Variants in MYO3B observed in about 807,000 individuals in gnomAD.
MYO3B encodes myosin IIIB, also known as myosin-IIIb.
In MYO3B, 156 loss-of-function variants were observed where a neutral mutation model predicts 174.6. That is an observed-to-expected ratio of 0.89 (90% confidence interval 0.78 to 1.02). The LOEUF (loss-of-function observed/expected upper bound fraction) is 1.02, where lower values mean the gene tolerates loss of function less well. Ranked by LOEUF, MYO3B falls within the 50% of genes least tolerant of loss-of-function variation. The probability of loss-of-function intolerance (pLI) is 0.00; values close to 1 mark genes in which losing one functional copy is unlikely to be tolerated. For missense variants in MYO3B, 1,632 were observed against 1,639.4 expected (o/e 1.00, Z 0.08); for synonymous variants, 563 against 569.1 (o/e 0.99, Z 0.15).
intron 7 of MYO3B, among the ~76,000 whole-genome samples, chr2:170,268,768 A>C (rs919002259): frequency 6.6e-6 from 1 of 152,134 alleles, no homozygotes; most frequent in Non-Finnish European, 1.5e-5. Flanking sequence ...TAACAGATAA[A>C]AATTAATATA....
At chr2:170,240,282 A>G (rs895061611) in intron 7 of MYO3B, among the ~76,000 whole-genome samples, 4 of 152,210 alleles carry the variant, frequency 2.6e-5, no homozygotes, top group Non-Finnish European at 5.9e-5. Context: ...TTTGCGGGCA[A>G]GATACAAGAC....
chr2:170,404,368 G>T lies in MYO3B; in HGVS notation c.2399G>T (p.Arg800Leu), dbSNP rs573321631. 1 of 1,613,402 alleles carries T rather than the reference G, an allele frequency of 6.2e-7. No homozygotes were observed. The highest frequency in any genetic ancestry group is 1.7e-5 in the Admixed American group (1 of 59,870). Residue 800 changes from arginine (R) to leucine (L), a missense_variant, in exon 20 of 35, where the codon CGG (arginine) becomes CTG (leucine). Transcript: ENST00000408978. The stretch of plus-strand genomic sequence containing the variant: ...CTTGCACTTTTGGATGAGGAAAGTC[G>T]GTTTCCCCAAGCAACTGACCAGACC... ...GLLALLDEES[R>L]FPQATDQTLV... is the part of the protein sequence containing the mutation.
In MYO3B at chr2:170,653,200, A is replaced by G. The variant is rs550023589; in HGVS notation, c.*79A>G. Reference sequence around the variant, plus strand: ...ACTGTCTGTCATTGCGTAAGAAAGCACTGATATGGGGTCAGCTTCTTTGGA... The same window carrying G: ...ACTGTCTGTCATTGCGTAAGAAAGCGCTGATATGGGGTCAGCTTCTTTGGA... On this transcript the variant is annotated 3_prime_UTR_variant, in exon 35 of 35. Transcript: ENST00000408978. 12 of 1,562,026 alleles carry G rather than the reference A, an allele frequency of 7.7e-6. No homozygotes were observed. In the South Asian group the frequency reaches 1.2e-4, roughly 16 times the overall value.
intron 32 of MYO3B, among the ~76,000 whole-genome samples, chr2:170,559,399 G>A (rs1235783316): frequency 2.0e-5 from 3 of 152,136 alleles, no homozygotes; most frequent in Non-Finnish European, 2.9e-5. Context: ...CAAGTTGTTT[G>A]ATTATTTATT....
intron 22 of MYO3B, among the ~76,000 whole-genome samples, chr2:170,436,695 C>G (rs1389869059): frequency 6.6e-6 from 1 of 152,202 alleles, no homozygotes; most frequent in East Asian, 1.9e-4. Context: ...GCAAACAAAT[C>G]TCTTCACACA....
At chr2:170,406,246 ATTTGAAT>A (rs200632421) in intron 21 of MYO3B, among the ~76,000 whole-genome samples, 1,807 of 152,256 alleles carry the variant, frequency 0.012, 46 homozygotes, top group African/African-American at 0.041. Context: ...CAAAGGAGCC[ATTTGAAT>A]TATGGCTGAT....
At chr2:170,531,873 CAG>C (rs1006192232) in intron 30 of MYO3B, among the ~76,000 whole-genome samples, 1 of 152,134 alleles carries the variant, frequency 6.6e-6, no homozygotes, top group Non-Finnish European at 1.5e-5. Context: ...ATTAAGAAAA[CAG>C]AAAATCATCA....
intron 22 of MYO3B, among the ~76,000 whole-genome samples, chr2:170,441,830 C>G (rs116020262): frequency 6.6e-6 from 1 of 152,174 alleles, no homozygotes; most frequent in African/African-American, 2.4e-5. Flanking sequence ...ATCTTGGTTT[C>G]GGTGAGATTT....
intron 30 of MYO3B, among the ~76,000 whole-genome samples, chr2:170,532,329 G>A (rs1689404917): frequency 6.6e-6 from 1 of 152,142 alleles, no homozygotes; most frequent in Admixed American, 6.6e-5. Context: ...ACCTCTGAAT[G>A]CAATAGATGA....
At chr2:170,545,402 C>A (rs1690412404) in intron 32 of MYO3B, among the ~76,000 whole-genome samples, 2 of 152,106 alleles carry the variant, frequency 1.3e-5, no homozygotes. Flanking sequence ...GTGTCTGGCT[C>A]ATAGTAAGTG....
intron 14 of MYO3B, 88 bp from the exon 15 acceptor site, chr2:170,391,432 T>A: frequency 3.3e-6 from 2 of 611,830 alleles, no homozygotes; most frequent in South Asian, 2.8e-5. Context: ...TGCCATGGAA[T>A]AATCTTTTGT....
At chr2:170,303,927 CCTTATTAGTA>C (rs1407858803) in intron 7 of MYO3B, among the ~76,000 whole-genome samples, 2 of 152,002 alleles carry the variant, frequency 1.3e-5, no homozygotes, top group South Asian at 4.2e-4. Flanking sequence ...AGATGTCTTT[CCTTATTAGTA>C]CTTACATAGA....
At chr2:170,546,448 A>G (rs533410866) in intron 32 of MYO3B, among the ~76,000 whole-genome samples, 2 of 152,246 alleles carry the variant, frequency 1.3e-5, no homozygotes, top group Non-Finnish European at 2.9e-5. Context: ...ACAATCCTAG[A>G]ACAAAGTAAA....
In MYO3B at chr2:170,382,022, G is replaced by C. The variant is rs891512679; in HGVS notation, c.978G>C (p.Glu326Asp). Residue 326 changes from glutamate to aspartate, a missense_variant, in exon 10 of 35, where the codon GAG (glutamate) becomes GAC (aspartate). Glu to Asp is a conservative substitution (Grantham distance 45). Transcript: ENST00000408978. ...TCTCTTGATAAATTTCTAGGCATGA[G>C]AGGATGCATACCAGAAGACCTTATC... The part of the protein sequence containing the change: ...HQNPVAKTRH[E>D]RMHTRRPYHV... The C allele has an allele frequency of 1.9e-6, 3 of 1,612,072 alleles. No homozygotes were observed. The highest frequency in any genetic ancestry group is 2.5e-6 in the Non-Finnish European group (3 of 1,178,516).
At chr2:170,405,770 C>G (rs1256927129) in intron 21 of MYO3B, 137 bp downstream of exon 21, 1 of 740,128 alleles carries the variant, frequency 1.4e-6, no homozygotes, top group Non-Finnish European at 2.1e-6. Context: ...AATCATAATT[C>G]TTAAAGTTTC....
intron 25 of MYO3B, among the ~76,000 whole-genome samples, chr2:170,496,307 A>G (rs892235091): frequency 2.6e-5 from 4 of 152,232 alleles, no homozygotes. Flanking sequence ...ATTCTTCCAT[A>G]AACAGGAAGA....
At chr2:170,530,549 G>A (rs953470248) in intron 30 of MYO3B, among the ~76,000 whole-genome samples, 3 of 152,210 alleles carry the variant, frequency 2.0e-5, no homozygotes, top group African/African-American at 4.8e-5. Flanking sequence ...CCACATGGCC[G>A]CTCTCGGGTG....
At chr2:170,481,075 A>G (rs529447935) in intron 25 of MYO3B, among the ~76,000 whole-genome samples, 2 of 152,334 alleles carry the variant, frequency 1.3e-5, no homozygotes, top group East Asian at 3.9e-4. Flanking sequence ...ATCTCGAGAA[A>G]GGCTGAATGT....
chr2:170,570,438 G>T (rs1050652404), intron 32 of MYO3B, among the ~76,000 whole-genome samples: 1 of 152,202 alleles, frequency 6.6e-6, no homozygotes, highest in African/African-American at 2.4e-5. Flanking sequence ...CCAAATAAAA[G>T]AATATTTCCA....
Sources: allele counts gnomAD v4.1 joint callset (sites outside exome capture counted in the v4.1 genomes callset), GRCh38; gene constraint gnomAD v4.1.1; transcripts MANE v1.5; gene names NCBI Gene and HGNC (gene_info 2026-07-23, HGNC 2026-07-21).